The following GRID2 variants were observed in gnomAD, a reference collection of about 807,000 sequenced individuals.
GRID2 encodes the protein glutamate receptor ionotropic, delta-2.
A neutral mutation model predicts 114.8 loss-of-function variants in GRID2; 33 were observed. That is an observed-to-expected ratio of 0.29 (90% CI 0.22 to 0.38). The LOEUF is 0.38. Among genes scored for constraint, GRID2 ranks in the 10% least tolerant of loss-of-function variants. The pLI, the probability that GRID2 is intolerant of heterozygous loss-of-function variation, is 1.00. For synonymous variants in GRID2, 505 were observed against 449.9 expected (o/e 1.12, Z -1.55); for missense variants, 1,184 against 1,257.7 (o/e 0.94, Z 0.89).
intron 13 of GRID2, among the ~76,000 whole-genome samples, chr4:93,603,975 A>G (rs1279088825): frequency 6.6e-6 from 1 of 152,216 alleles, no homozygotes; most frequent in African/African-American, 2.4e-5. Flanking sequence ...CAAGGAGATC[A>G]ATGTTTTCAT....
At chr4:92,855,560 C>T (rs1744113996) in intron 2 of GRID2, among the ~76,000 whole-genome samples, 1 of 151,806 alleles carries the variant, frequency 6.6e-6, no homozygotes, top group Non-Finnish European at 1.5e-5. Flanking sequence ...ATTCCATTTT[C>T]CAGAAATAAA....
intron 1 of GRID2, among the ~76,000 whole-genome samples, chr4:92,488,839 A>G (rs1231414492): frequency 4.6e-5 from 7 of 152,118 alleles, no homozygotes. Context: ...AATAAAGGCA[A>G]GGTTTGGCTT....
chr4:92,967,418 A>C (rs1254639814), intron 2 of GRID2, among the ~76,000 whole-genome samples: 1 of 152,006 alleles, frequency 6.6e-6, no homozygotes, highest in African/African-American at 2.4e-5. Context: ...TTTTGTATTT[A>C]GTCTATAGGA....
intron 3 of GRID2, among the ~76,000 whole-genome samples, chr4:93,097,361 C>A (rs1035536937): frequency 4.6e-5 from 7 of 150,624 alleles, no homozygotes; most frequent in African/African-American, 1.7e-4. Context: ...GAAAAAAAAA[C>A]AATTTACAGA....
At chr4:93,803,004 A>G (rs983671492) in intron 1 of GRID2, among the ~76,000 whole-genome samples, 8 of 152,214 alleles carry the variant, frequency 5.3e-5, no homozygotes, top group African/African-American at 1.9e-4. Flanking sequence ...CTCTGCTCCA[A>G]TGGCCTTGTT....
chr4:92,317,783 AAAG>A (rs992051705), intron 1 of GRID2, among the ~76,000 whole-genome samples: 2 of 152,182 alleles, frequency 1.3e-5, no homozygotes, highest in African/African-American at 2.4e-5. Flanking sequence ...TTGGGCCACC[AAAG>A]AAGAATAAGC....
chr4:93,453,021 A>G (rs1722832689), intron 10 of GRID2, among the ~76,000 whole-genome samples: 1 of 147,842 alleles, frequency 6.8e-6, no homozygotes, highest in African/African-American at 2.5e-5. Context: ...ATATATCTCC[A>G]AATGCTATCC....
intron 13 of GRID2, among the ~76,000 whole-genome samples, chr4:93,621,111 G>GA (rs1742182886): frequency 6.6e-6 from 1 of 152,090 alleles, no homozygotes; most frequent in South Asian, 2.1e-4. Context: ...GAGTTAATGT[G>GA]TAATGATTGT....
At chr4:92,329,993 A>AGAG (rs1726794751) in intron 1 of GRID2, among the ~76,000 whole-genome samples, 7 of 132,492 alleles carry the variant, frequency 5.3e-5, no homozygotes, top group Admixed American at 7.8e-5. Flanking sequence ...TATGGGAGGA[A>AGAG]AGAGAGAGAG....
At chr4:92,515,126 T>C (rs1277174834) in intron 1 of GRID2, among the ~76,000 whole-genome samples, 1 of 151,000 alleles carries the variant, frequency 6.6e-6, no homozygotes, top group Non-Finnish European at 1.5e-5. Flanking sequence ...ATTGACGTGA[T>C]GACTTAGTAT....
rs568588186 is a variant in GRID2 at position 93,768,896 on chromosome 4, C to T, written c.2361-314C>T. On this transcript the variant is annotated intron_variant, in intron 14 of 15. Coordinates refer to ENST00000282020, the MANE Select transcript of GRID2 (RefSeq NM_001510.4). ...TTGTGATTGTAAAAACACACTGAAG[C>T]AAACCAGGAGGAAAATATTTAGAAT... Among the ~76,000 whole-genome samples, 5 of 144,124 alleles carry T rather than the reference C, an allele frequency of 3.5e-5. No individual in the cohort carries two copies. The South Asian group carries it at 1.1e-3, about 32-fold the overall frequency. 94.6% of individuals were successfully genotyped at this position (144,124 alleles called of 152,430 possible).
At chr4:92,881,858 T>C (rs1030848582) in intron 2 of GRID2, among the ~76,000 whole-genome samples, 6 of 152,186 alleles carry the variant, frequency 3.9e-5, no homozygotes, top group African/African-American at 1.4e-4. Flanking sequence ...TCATAAGCAA[T>C]ACACTTTTTA....
chr4:92,927,490 C>A lies in GRID2; in HGVS notation c.245-157505C>A, dbSNP rs1011798947. On this transcript the variant is annotated intron_variant, in intron 2 of 15. Transcript: ENST00000282020. ...CAAAGAGAGCTAGATGCTACCTGTA[C>A]ACAGTTGGGTTGCAATAACAAAAAA... Among the ~76,000 whole-genome samples the A allele has an allele frequency of 2.0e-5, 3 of 151,758 alleles. No individual in the cohort carries two copies. In the Admixed American group the frequency reaches 2.0e-4, roughly 10 times the overall value.
chr4:93,178,086 A>G (rs1241001418), intron 4 of GRID2, among the ~76,000 whole-genome samples: 1 of 150,520 alleles, frequency 6.6e-6, no homozygotes, highest in African/African-American at 2.4e-5. Context: ...AAAAAAAAAC[A>G]TATAAGCTAG....
At chr4:92,368,980 A>G (rs1212241415) in intron 1 of GRID2, among the ~76,000 whole-genome samples, 1 of 151,748 alleles carries the variant, frequency 6.6e-6, no homozygotes, top group Admixed American at 6.6e-5. Flanking sequence ...ACAGGATTTC[A>G]AAAGACCGTG....
chr4:93,621,067 T>C (rs1174296122), intron 13 of GRID2, among the ~76,000 whole-genome samples: 1 of 152,158 alleles, frequency 6.6e-6, no homozygotes, highest in Non-Finnish European at 1.5e-5. Context: ...GTCTTACCTT[T>C]ATATTCCTTA....
chr4:92,516,536 G>T (rs1387986800), intron 1 of GRID2, among the ~76,000 whole-genome samples: 1 of 151,848 alleles, frequency 6.6e-6, no homozygotes, highest in African/African-American at 2.4e-5. Flanking sequence ...AGAAAGCCCT[G>T]TGTGGTTTGA....
chr4:93,179,115 G>T (rs1024543518), intron 4 of GRID2, among the ~76,000 whole-genome samples: 11 of 152,180 alleles, frequency 7.2e-5, no homozygotes, highest in African/African-American at 2.4e-4. Context: ...CTGGATCTGA[G>T]CTGAGAATCC....
intron 2 of GRID2, among the ~76,000 whole-genome samples, chr4:92,761,573 A>T (rs1416732221): frequency 6.6e-6 from 1 of 152,212 alleles, no homozygotes; most frequent in East Asian, 1.9e-4. Context: ...TGCAGACTTC[A>T]AAGAATCTGT....
Sources: gnomAD v4.1 joint callset for allele counts (sites outside exome capture counted in the v4.1 genomes callset) on GRCh38, gnomAD v4.1.1 for gene constraint, MANE v1.5 for transcripts, NCBI Gene and HGNC (gene_info 2026-07-23, HGNC 2026-07-21) for gene names.